The following KIF26B variants were observed in gnomAD, a reference collection of about 807,000 sequenced individuals.
KIF26B encodes the protein kinesin family member 26B.
In KIF26B, 63 loss-of-function variants were observed where a neutral mutation model predicts 151.2. The ratio of observed to expected loss-of-function variants is 0.42; its 90% CI spans 0.34 to 0.51. The LOEUF (loss-of-function observed/expected upper bound fraction) is 0.51. Ranked by LOEUF, KIF26B falls within the 20% of genes least tolerant of loss-of-function variation. The pLI is 0.07. For synonymous variants in KIF26B, 1,357 were observed against 1,262.1 expected, an observed-to-expected ratio of 1.08 and a Z score of -1.59; for missense variants, 2,813 against 2,913.6, an observed-to-expected ratio of 0.97 and a Z score of 0.79.
intron 2 of KIF26B, among the ~76,000 whole-genome samples, chr1:245,301,857 A>G (rs1265918519): frequency 6.6e-6 from 1 of 152,086 alleles, no homozygotes; most frequent in Non-Finnish European, 1.5e-5. Flanking sequence ...GAAGATTGCA[A>G]CCTCCAGATT....
chr1:245,257,742 C>T (rs1670564407), intron 2 of KIF26B, among the ~76,000 whole-genome samples: 1 of 152,152 alleles, frequency 6.6e-6, no homozygotes, highest in Admixed American at 6.5e-5. Flanking sequence ...GTTGGTCAGG[C>T]CGGGTGCAGT....
rs369807878 is a variant in KIF26B at position 245,556,315 on chromosome 1, T to C, written c.1350+15365T>C. On this transcript the variant is annotated intron_variant, in intron 5 of 14. Coordinates refer to ENST00000407071, the MANE Select transcript of KIF26B (RefSeq NM_018012.4). Reference sequence around the variant, plus strand: ...CTCCTTCCTCCCTCCTCCTCCTCCTTCTTCTTCTTCCTCCTTCTTCCTCCT... The same window carrying C: ...CTCCTTCCTCCCTCCTCCTCCTCCTCCTTCTTCTTCCTCCTTCTTCCTCCT... 3.7e-3 allele frequency among the ~76,000 whole-genome samples: 483 copies of C among 130,778 alleles called. 6 individuals carry two copies. Among genetic ancestry groups the C allele is most frequent in the African/African-American group, 0.013 (431 of 32,102 alleles). 85.8% of individuals were successfully genotyped at this position (130,778 alleles called of 152,430 possible). A position where few individuals can be genotyped will look rare whatever the true frequency, so the allele number is the denominator to read the frequency against.
intron 2 of KIF26B, among the ~76,000 whole-genome samples, chr1:245,165,131 C>T (rs1425220886): frequency 2.0e-5 from 3 of 151,840 alleles, no homozygotes; most frequent in African/African-American, 7.2e-5. Context: ...AGAGTGGTGT[C>T]ACCGAGACCA....
intron 2 of KIF26B, among the ~76,000 whole-genome samples, chr1:245,308,430 T>A (rs968893995): frequency 6.6e-6 from 1 of 152,112 alleles, no homozygotes; most frequent in Non-Finnish European, 1.5e-5. Flanking sequence ...CCTACTTGGG[T>A]CTATGTGCTC....
chr1:245,318,646 C>A lies in KIF26B; in HGVS notation c.466-48188C>A, dbSNP rs567875719. The stretch of plus-strand genomic sequence containing the variant: ...ATAGGGAAAGCAGCAAGGATGAGTT[C>A]GGGAGACTCTGGCATATGCATCAGA... On this transcript the variant is annotated intron_variant, in intron 2 of 14. Transcript: ENST00000407071. This position sits in a 1 kb window ranked among gnomAD's most constrained non-coding sequence, Gnocchi z 4.0. Among the ~76,000 whole-genome samples the A allele has an allele frequency of 6.6e-6, 1 of 152,200 alleles. No homozygotes were observed. Among genetic ancestry groups the A allele is most frequent in the South Asian group, 2.1e-4 (1 of 4,814 alleles).
chr1:245,450,137 G>C (rs144964513), intron 4 of KIF26B, among the ~76,000 whole-genome samples: 1 of 152,114 alleles, frequency 6.6e-6, no homozygotes, highest in Non-Finnish European at 1.5e-5. Flanking sequence ...TTCTCTTTCC[G>C]TTGGCCCACT....
chr1:245,269,504 G>A (rs923064411), intron 2 of KIF26B, among the ~76,000 whole-genome samples: 20 of 151,422 alleles, frequency 1.3e-4, no homozygotes, highest in African/African-American at 2.9e-4. Context: ...TAGCTCTGTC[G>A]CCCAGGCTGG....
At chr1:245,293,229 A>G (rs1361125933) in intron 2 of KIF26B, among the ~76,000 whole-genome samples, 4 of 151,962 alleles carry the variant, frequency 2.6e-5, no homozygotes, top group South Asian at 2.1e-4. Flanking sequence ...TTGCTTGGCA[A>G]TGTCCTGATC....
Position 245,614,122 on chromosome 1 carries a change from C to T in KIF26B, c.2098+2146C>T, listed in dbSNP as rs184882091. Among the ~76,000 whole-genome samples the T allele has an allele frequency of 2.1e-4, 32 of 152,248 alleles. No individual in the cohort carries two copies. In the East Asian group the frequency reaches 4.6e-3, roughly 22 times the overall value. The stretch of plus-strand genomic sequence containing the variant: ...TTTGAGACTCCCCCATGCTGCAGCA[C>T]GCGTCTCTTGTTTCTTCTGGTTCCT... On this transcript the variant is annotated intron_variant, in intron 9 of 14. Coordinates refer to ENST00000407071, the MANE Select transcript of KIF26B (RefSeq NM_018012.4).
chr1:245,170,932 C>G lies in KIF26B; in HGVS notation c.465+14249C>G, dbSNP rs1668696939. 6.6e-6 allele frequency among the ~76,000 whole-genome samples: 1 copy of G among 152,206 alleles called. No individual in the cohort carries two copies. The highest frequency in any genetic ancestry group is 6.5e-5 in the Admixed American group (1 of 15,280). The stretch of plus-strand genomic sequence containing the variant: ...TTTTCCCTTTATCTGGTAATTGATT[C>G]TGCACTGTCTCCATTATTTGGTGAG... On this transcript the variant is annotated intron_variant, in intron 2 of 14. Coordinates refer to ENST00000407071, the MANE Select transcript of KIF26B (RefSeq NM_018012.4). The surrounding 1 kb of genome is among the most constrained non-coding windows in gnomAD (Gnocchi z 4.4).
chr1:245,162,880 G>T (rs113329464), intron 2 of KIF26B, among the ~76,000 whole-genome samples: 1 of 152,170 alleles, frequency 6.6e-6, no homozygotes, highest in Non-Finnish European at 1.5e-5. Context: ...AGGTCTCAAA[G>T]AACTCACCTA....
At chr1:245,267,634 GCACACACACACACA>G (rs66498609) in intron 2 of KIF26B, among the ~76,000 whole-genome samples, 1,813 of 136,330 alleles carry the variant, frequency 0.013, 28 homozygotes, top group African/African-American at 0.031. Flanking sequence ...GCTAAGTAAT[GCACACACACACACA>G]CACACACACA....
At chr1:245,474,255 C>T (rs1163384991) in intron 4 of KIF26B, among the ~76,000 whole-genome samples, 1 of 144,256 alleles carries the variant, frequency 6.9e-6, no homozygotes, top group Admixed American at 6.9e-5. Context: ...ACTACAGGTG[C>T]CCGCCACCAC....
chr1:245,566,318 C>T (rs2043009793), intron 5 of KIF26B, among the ~76,000 whole-genome samples: 1 of 152,362 alleles, frequency 6.6e-6, no homozygotes, highest in South Asian at 2.1e-4. Context: ...TTTCAGTTCA[C>T]ACTTTATGCC....
rs2103522035 is a variant in KIF26B, at chr1:245,170,438, T to C, written c.465+13755T>C. On this transcript the variant is annotated intron_variant, in intron 2 of 14. Transcript: ENST00000407071. This position sits in a 1 kb window ranked among gnomAD's most constrained non-coding sequence, Gnocchi z 4.4. ...CTGGATGCTTACAATTGGTTCCAGG[T>C]GTTCCAGGGACGAAACTTATCAGAA... 6.6e-6 allele frequency among the ~76,000 whole-genome samples: 1 copy of C among 152,332 alleles called. No homozygotes were observed. Among genetic ancestry groups the C allele is most frequent in the South Asian group, 2.1e-4 (1 of 4,822 alleles).
chr1:245,210,719 G>A lies in KIF26B; in HGVS notation c.465+54036G>A, dbSNP rs187659739. On this transcript the variant is annotated intron_variant, in intron 2 of 14. Transcript: ENST00000407071. ...TCAGAGCCAGGGAGTCCCAGAGCCTGTGGTAGGCCCTGTCCTTGTGTGGGG... is the reference window on the plus strand; with the variant it reads ...TCAGAGCCAGGGAGTCCCAGAGCCTATGGTAGGCCCTGTCCTTGTGTGGGG... Among the ~76,000 whole-genome samples, 25 of 152,290 alleles carry A rather than the reference G, an allele frequency of 1.6e-4. No individual in the cohort carries two copies. In the East Asian group the frequency reaches 4.8e-3, roughly 29 times the overall value.
chr1:245,362,299 T>C (rs1303294173), intron 2 of KIF26B, among the ~76,000 whole-genome samples: 3 of 135,480 alleles, frequency 2.2e-5, no homozygotes, highest in Admixed American at 1.7e-4. Context: ...GAGGCCAAGG[T>C]GGGCAGATCA....
intron 10 of KIF26B, among the ~76,000 whole-genome samples, chr1:245,654,395 C>T (rs1005343479): frequency 2.0e-5 from 3 of 152,048 alleles, no homozygotes; most frequent in African/African-American, 4.8e-5. Flanking sequence ...TGCAGGGCTC[C>T]GGGTAGATTA....
chr1:245,205,439 G>A (rs1669382504), intron 2 of KIF26B, among the ~76,000 whole-genome samples: 2 of 152,060 alleles, frequency 1.3e-5, no homozygotes, highest in Admixed American at 1.3e-4. Context: ...TAAGAATATA[G>A]GGGGAATAAT....
Sources: gnomAD v4.1 joint callset for allele counts (sites outside exome capture counted in the v4.1 genomes callset) on GRCh38, gnomAD v4.1.1 for gene constraint, Gnocchi (gnomAD v3.1) non-coding constraint, MANE v1.5 for transcripts, NCBI Gene and HGNC (gene_info 2026-07-23, HGNC 2026-07-21) for gene names.